Variants in FAT3 observed in about 807,000 individuals in gnomAD.
The protein encoded by FAT3 is FAT atypical cadherin 3.
FAT3 carries 95 observed loss-of-function variants against 310.2 expected under a neutral mutation model. That is an observed-to-expected ratio of 0.31 (90% CI 0.26 to 0.36). The LOEUF (loss-of-function observed/expected upper bound fraction) is 0.36, where lower values mean the gene tolerates loss of function less well. Ranked by LOEUF, FAT3 falls within the 10% of genes least tolerant of loss-of-function variation. The pLI, the probability that FAT3 is intolerant of heterozygous loss-of-function variation, is 1.00. For synonymous variants in FAT3, 2,314 were observed against 2,192.9 expected (o/e 1.06, Z -1.54); for missense variants, 5,408 against 5,715.6 (o/e 0.95, Z 1.74).
chr11:92,733,228 C>T (rs1381079220), intron 4 of FAT3, among the ~76,000 whole-genome samples: 3 of 152,152 alleles, frequency 2.0e-5, no homozygotes, highest in Non-Finnish European at 4.4e-5. Context: ...TCAGTAACCA[C>T]TTAATACATG....
At chr11:92,652,363 T>A (rs2135763357) in intron 3 of FAT3, among the ~76,000 whole-genome samples, 1 of 152,328 alleles carries the variant, frequency 6.6e-6, no homozygotes, top group Non-Finnish European at 1.5e-5. Context: ...TCAAATAACA[T>A]AATTTTAAAA....
Position 92,553,941 on chromosome 11 carries a change from A to T in FAT3, c.3607+28993A>T, listed in dbSNP as rs144644499. 7.9e-3 allele frequency among the ~76,000 whole-genome samples: 1,202 copies of T among 151,658 alleles called. 13 individuals carry two copies. Among genetic ancestry groups the T allele is most frequent in the African/African-American group, 0.028 (1,143 of 41,384 alleles). ...CTGCCTCAGCCTCCCAAGTAGCTGG[A>T]ATTACAGGAGCCCACTTTTATGCCT... On this transcript the variant is annotated intron_variant, in intron 3 of 27. Transcript: ENST00000525166.
At chr11:92,849,187 C>A (rs543831707) in intron 19 of FAT3, among the ~76,000 whole-genome samples, 1 of 152,298 alleles carries the variant, frequency 6.6e-6, no homozygotes, top group East Asian at 1.9e-4. Context: ...AATGACAGAG[C>A]CAGGATTCAT....
chr11:92,683,079 A>T (rs1204700746), intron 3 of FAT3, among the ~76,000 whole-genome samples: 1 of 151,576 alleles, frequency 6.6e-6, no homozygotes, highest in East Asian at 1.9e-4. Flanking sequence ...CTCTAAAAAA[A>T]AAAAAAAGTG....
At chr11:92,497,210 A>G (rs2135258823) in intron 2 of FAT3, among the ~76,000 whole-genome samples, 1 of 152,048 alleles carries the variant, frequency 6.6e-6, no homozygotes, top group East Asian at 1.9e-4. Context: ...TTAGCCTTCC[A>G]TGGCACCAGA....
chr11:92,506,107 C>G (rs1485831972), intron 2 of FAT3, among the ~76,000 whole-genome samples: 1 of 152,112 alleles, frequency 6.6e-6, no homozygotes, highest in Non-Finnish European at 1.5e-5. Flanking sequence ...CAAAAATTCC[C>G]CATAAAACAC....
intron 1 of FAT3, among the ~76,000 whole-genome samples, chr11:92,345,415 A>T (rs1948387642): frequency 6.6e-6 from 1 of 152,200 alleles, no homozygotes; most frequent in South Asian, 2.1e-4. Flanking sequence ...AAATACAGAC[A>T]ATATTTAGAG....
At chr11:92,420,372 C>T (rs1488973125) in intron 2 of FAT3, among the ~76,000 whole-genome samples, 1 of 152,148 alleles carries the variant, frequency 6.6e-6, no homozygotes, top group Admixed American at 6.5e-5. Flanking sequence ...TAGATTGCTC[C>T]ATGAGGATGC....
In FAT3 at chr11:92,831,478, A is replaced by G. The variant is rs539781758; in HGVS notation, c.9482-144A>G. ...TTTTTTCCCATAAACTGAAATTTAC[A>G]TTTTTGTAGAGCCACAGCTGTCTGT... On this transcript the variant is annotated intron_variant, in intron 13 of 27. Coordinates refer to ENST00000525166, the MANE Select transcript of FAT3 (RefSeq NM_001367949.2). 3 of 657,040 alleles carry G rather than the reference A, an allele frequency of 4.6e-6. No individual in the cohort carries two copies. In the East Asian group the frequency reaches 8.9e-5, roughly 19 times the overall value. 40.7% of individuals were successfully genotyped at this position (657,040 alleles called of 1,614,324 possible).
intron 7 of FAT3, among the ~76,000 whole-genome samples, chr11:92,777,772 A>G (rs1272811453): frequency 2.0e-5 from 3 of 152,124 alleles, no homozygotes; most frequent in African/African-American, 4.8e-5. Flanking sequence ...TACCTACAAC[A>G]TGGCAGTTGC....
chr11:92,857,883 A>G (rs1468083592), intron 20 of FAT3, among the ~76,000 whole-genome samples: 6 of 151,418 alleles, frequency 4.0e-5, no homozygotes, highest in Non-Finnish European at 7.4e-5. Flanking sequence ...CATCTTAAGG[A>G]AAAAAAAATC....
At chr11:92,835,504 C>T (rs1591795556) in intron 15 of FAT3, among the ~76,000 whole-genome samples, 1 of 151,998 alleles carries the variant, frequency 6.6e-6, no homozygotes, top group East Asian at 1.9e-4. Flanking sequence ...GTATATTGTA[C>T]ATTTCAAAAC....
chr11:92,709,915 A>G (rs761970700), intron 4 of FAT3, among the ~76,000 whole-genome samples: 1 of 152,168 alleles, frequency 6.6e-6, no homozygotes, highest in Non-Finnish European at 1.5e-5. Flanking sequence ...TCATAAATAC[A>G]TAATTCAGAA....
intron 4 of FAT3, among the ~76,000 whole-genome samples, chr11:92,698,139 G>A (rs527539100): frequency 3.3e-5 from 5 of 152,142 alleles, no homozygotes; most frequent in Non-Finnish European, 4.4e-5. Flanking sequence ...AACAGATGAC[G>A]ATGCTTAGAA....
At chr11:92,794,951 G>A (rs981594637) in intron 9 of FAT3, among the ~76,000 whole-genome samples, 2 of 152,170 alleles carry the variant, frequency 1.3e-5, no homozygotes, top group Non-Finnish European at 2.9e-5. Context: ...ATGACAAATG[G>A]CTGTGTAAAG....
chr11:92,438,253 T>A (rs1251453230), intron 2 of FAT3, among the ~76,000 whole-genome samples: 1 of 152,212 alleles, frequency 6.6e-6, no homozygotes, highest in Non-Finnish European at 1.5e-5. Flanking sequence ...TTTATCAACA[T>A]AGATCCTTTG....
chr11:92,315,241 T>C (rs2134468774), intron 1 of FAT3, among the ~76,000 whole-genome samples: 1 of 150,144 alleles, frequency 6.7e-6, no homozygotes, highest in South Asian at 2.1e-4. Context: ...CTAGATCCAA[T>C]TTGGCTCTTT....
chr11:92,851,877 C>A (rs954049306), intron 19 of FAT3, among the ~76,000 whole-genome samples: 1 of 152,236 alleles, frequency 6.6e-6, no homozygotes, highest in Non-Finnish European at 1.5e-5. Context: ...AACTGGTACT[C>A]TGAAGCCAAT....
intron 3 of FAT3, among the ~76,000 whole-genome samples, chr11:92,676,776 A>G (rs984052288): frequency 1.3e-5 from 2 of 152,214 alleles, no homozygotes; most frequent in Non-Finnish European, 2.9e-5. Context: ...AGAGACTTTA[A>G]TTGCTGTTTC....
Sources: gnomAD v4.1 joint callset for allele counts (sites outside exome capture counted in the v4.1 genomes callset) on GRCh38, gnomAD v4.1.1 for gene constraint, MANE v1.5 for transcripts, NCBI Gene and HGNC (gene_info 2026-07-23, HGNC 2026-07-21) for gene names.